Variants in CACNG3 observed in about 807,000 individuals in gnomAD.
CACNG3 encodes the protein calcium voltage-gated channel auxiliary subunit gamma 3.
Under a neutral mutation model 28.5 loss-of-function variants are expected in CACNG3, and 3 were observed. That is an observed-to-expected ratio of 0.11 (90% CI 0.05 to 0.27). The LOEUF is 0.27. CACNG3 is among the 10% of genes least tolerant of loss of function. CACNG3 has a pLI of 1.00. For synonymous variants in CACNG3, 174 were observed against 162.2 expected, an observed-to-expected ratio of 1.07 and a Z score of -0.55; for missense variants, 236 against 414.4, an observed-to-expected ratio of 0.57 and a Z score of 3.74.
intron 1 of CACNG3, among the ~76,000 whole-genome samples, chr16:24,281,764 A>T (rs1220507094): frequency 3.9e-5 from 6 of 152,152 alleles, no homozygotes; most frequent in Non-Finnish European, 8.8e-5. Flanking sequence ...ACATGTTCTG[A>T]CCAGCATGAA....
At chr16:24,267,254 C>G (rs1898624314) in intron 1 of CACNG3, among the ~76,000 whole-genome samples, 1 of 152,132 alleles carries the variant, frequency 6.6e-6, no homozygotes, top group Non-Finnish European at 1.5e-5. Context: ...GTTTGAGCCA[C>G]CGCACCTGGC....
intron 1 of CACNG3, among the ~76,000 whole-genome samples, chr16:24,307,823 C>A (rs1236765247): frequency 1.3e-5 from 2 of 152,132 alleles, no homozygotes; most frequent in African/African-American, 2.4e-5. Flanking sequence ...GGAAGAAATC[C>A]TGCCTGGTGG....
intron 1 of CACNG3, among the ~76,000 whole-genome samples, chr16:24,265,119 A>G (rs934957620): frequency 1.3e-5 from 2 of 152,092 alleles, no homozygotes; most frequent in Non-Finnish European, 2.9e-5. Context: ...GCATGCTCTT[A>G]TAGTCCCAGC....
chr16:24,266,210 AGAAAG>A (rs1428220918), intron 1 of CACNG3, among the ~76,000 whole-genome samples: 1 of 152,212 alleles, frequency 6.6e-6, no homozygotes, highest in Non-Finnish European at 1.5e-5. Context: ...GACAATAAAA[AGAAAG>A]GAACACTATA....
intron 1 of CACNG3, among the ~76,000 whole-genome samples, chr16:24,288,210 GATGATA>G (rs2141354305): frequency 6.6e-6 from 1 of 152,280 alleles, no homozygotes; most frequent in South Asian, 2.1e-4. Context: ...TGATGGTGAT[GATGATA>G]ATGATAGTGA....
intron 2 of CACNG3, among the ~76,000 whole-genome samples, chr16:24,353,926 C>T (rs536657908): frequency 6.6e-6 from 1 of 152,146 alleles, no homozygotes; most frequent in Non-Finnish European, 1.5e-5. Flanking sequence ...GGTGCAGTGG[C>T]TCATGCCTAT....
intron 1 of CACNG3, among the ~76,000 whole-genome samples, chr16:24,344,195 G>C (rs924320962): frequency 6.6e-6 from 1 of 152,174 alleles, no homozygotes; most frequent in African/African-American, 2.4e-5. Context: ...GCTTTGGGAG[G>C]CTGAGGCGGG....
intron 1 of CACNG3, among the ~76,000 whole-genome samples, chr16:24,303,723 G>A (rs1466918774): frequency 1.3e-5 from 2 of 152,142 alleles, no homozygotes; most frequent in South Asian, 2.1e-4. Flanking sequence ...TTCAAGACCA[G>A]CCTGGGCAAT....
intron 2 of CACNG3, among the ~76,000 whole-genome samples, chr16:24,353,219 C>T (rs1899980751): frequency 1.3e-5 from 2 of 152,190 alleles, no homozygotes; most frequent in African/African-American, 4.8e-5. Context: ...AGGTGATCCA[C>T]CCACCTCTGC....
Position 24,302,102 on chromosome 16 carries a change from C to T in CACNG3, c.212-44632C>T, listed in dbSNP as rs185928275. ...TCAGAACCCGTAGGGCCTTGGGCAG[C>T]CTGGAAAGCAGCAAAAGTCACTCAT... On this transcript the variant is annotated intron_variant, in intron 1 of 3. Coordinates refer to ENST00000005284, the MANE Select transcript of CACNG3 (RefSeq NM_006539.4). 6.2e-3 allele frequency among the ~76,000 whole-genome samples: 950 copies of T among 152,318 alleles called. 4 individuals carry two copies. Among genetic ancestry groups the T allele is most frequent in the Middle Eastern group, 0.02 (6 of 294 alleles).
chr16:24,352,290 A>G (rs1457937303), intron 2 of CACNG3, among the ~76,000 whole-genome samples: 1 of 152,096 alleles, frequency 6.6e-6, no homozygotes, highest in Non-Finnish European at 1.5e-5. Flanking sequence ...CCCTGAGCCA[A>G]AATAAACTCG....
chr16:24,308,858 A>G (rs1212424358), intron 1 of CACNG3, among the ~76,000 whole-genome samples: 12 of 149,752 alleles, frequency 8.0e-5, no homozygotes, highest in Non-Finnish European at 1.0e-4. Flanking sequence ...AAAAAAAAAA[A>G]AAAAAAAAAG....
At chr16:24,262,702 T>A (rs1373095995) in intron 1 of CACNG3, among the ~76,000 whole-genome samples, 1 of 152,252 alleles carries the variant, frequency 6.6e-6, no homozygotes, top group Non-Finnish European at 1.5e-5. Flanking sequence ...CCCAGTCGTA[T>A]CATCATCGGT....
chr16:24,350,786 T>C (rs1383719588), intron 2 of CACNG3, among the ~76,000 whole-genome samples: 1 of 152,174 alleles, frequency 6.6e-6, no homozygotes, highest in Non-Finnish European at 1.5e-5. Context: ...AAATGATCCC[T>C]TTAAAGGTTA....
intron 1 of CACNG3, among the ~76,000 whole-genome samples, chr16:24,267,936 G>A (rs775166774): frequency 5.3e-5 from 8 of 152,056 alleles, no homozygotes; most frequent in Non-Finnish European, 1.0e-4. Context: ...CTCCCAGAGT[G>A]CTGGGATTAC....
At chr16:24,257,351 A>G (rs1356020058) in intron 1 of CACNG3, among the ~76,000 whole-genome samples, 5 of 107,762 alleles carry the variant, frequency 4.6e-5, no homozygotes, top group East Asian at 3.0e-4. Flanking sequence ...AAGGGACAAG[A>G]GGAAAGAAGT....
At chr16:24,360,157 G>A (rs1025304077) in intron 3 of CACNG3, among the ~76,000 whole-genome samples, 7 of 152,184 alleles carry the variant, frequency 4.6e-5, no homozygotes. Flanking sequence ...GCCTAAATTT[G>A]GAGGCAAAGA....
intron 1 of CACNG3, among the ~76,000 whole-genome samples, chr16:24,312,668 A>G (rs914439443): frequency 1.3e-4 from 20 of 151,798 alleles, no homozygotes; most frequent in Admixed American, 1.3e-4. Flanking sequence ...TTTTTTTTTA[A>G]TTAGCCAGAC....
chr16:24,282,578 T>A (rs1398000074), intron 1 of CACNG3, among the ~76,000 whole-genome samples: 2 of 152,122 alleles, frequency 1.3e-5, no homozygotes, highest in Admixed American at 6.5e-5. Context: ...CCCAGCCTCA[T>A]TAACTTTCCT....
Sources: allele counts gnomAD v4.1 joint callset (sites outside exome capture counted in the v4.1 genomes callset), GRCh38; gene constraint gnomAD v4.1.1; transcripts MANE v1.5; gene names NCBI Gene and HGNC (gene_info 2026-07-23, HGNC 2026-07-21).